SLIT2: variants seen among roughly 807,000 people sequenced by gnomAD.
SLIT2 encodes slit homolog 2 protein.
In SLIT2, 41 loss-of-function variants were observed where a neutral mutation model predicts 185.7. The observed-to-expected ratio is 0.22, with a 90% CI of 0.17 to 0.29. SLIT2 has a LOEUF of 0.29. Among genes scored for constraint, SLIT2 ranks in the 10% least tolerant of loss-of-function variants. The pLI is 1.00. For missense variants in SLIT2, 1,571 were observed against 1,909.0 expected (o/e 0.82, Z 3.30); for synonymous variants, 693 against 680.2 (o/e 1.02, Z -0.29).
At position 20,307,187 on chromosome 4, in the gene SLIT2, CTTCCTTCT is replaced by C. The variant is rs1284411303; in HGVS notation, c.395+38311_395+38318del. 7.8e-4 allele frequency among the ~76,000 whole-genome samples: 99 copies of C among 126,624 alleles called. 2 individuals carry two copies. The highest frequency in any genetic ancestry group is 1.3e-3 in the African/African-American group (42 of 32,982). The allele number at this position is 126,624 out of a possible 152,430, so 83.1% of individuals were successfully genotyped here. A position where few individuals can be genotyped will look rare whatever the true frequency, so the allele number is the denominator to read the frequency against. ...CCTTCCTTCCTTCCTTCCTTCCTTC[CTTCCTTCT>C]TTCCCTGACTCCCTCTCTCCACCCC... On this transcript the variant is annotated intron_variant, in intron 4 of 36. Coordinates refer to ENST00000504154, the MANE Select transcript of SLIT2 (RefSeq NM_004787.4).
At chr4:20,513,200 C>G (rs184014532) in intron 11 of SLIT2, among the ~76,000 whole-genome samples, 17 of 152,160 alleles carry the variant, frequency 1.1e-4, no homozygotes, top group Non-Finnish European at 2.5e-4. Context: ...ATAAAGTAAA[C>G]TGCAGTTAAG....
chr4:20,467,391 C>G, intron 4 of SLIT2, among the ~76,000 whole-genome samples: 1 of 151,978 alleles, frequency 6.6e-6, no homozygotes, highest in East Asian at 1.9e-4. Context: ...GAAATATAAA[C>G]TACTAAAACC....
chr4:20,394,248 A>G (rs531210835), intron 4 of SLIT2, among the ~76,000 whole-genome samples: 1 of 152,160 alleles, frequency 6.6e-6, no homozygotes, highest in Admixed American at 6.6e-5. Context: ...AAGGAAAGGA[A>G]AATAAAGCCT....
chr4:20,490,734 A>C (rs1560470739), intron 8 of SLIT2: 7 of 1,070,104 alleles, frequency 6.5e-6, no homozygotes, highest in Non-Finnish European at 6.9e-6. Context: ...AAAATTAAAT[A>C]ATGAAATGAC....
At chr4:20,486,839 G>T (rs1250592589) in intron 7 of SLIT2, among the ~76,000 whole-genome samples, 2 of 150,400 alleles carry the variant, frequency 1.3e-5, no homozygotes, top group East Asian at 3.9e-4. Context: ...GCCCAGAGTA[G>T]CCTTTAAAAT....
chr4:20,608,803 C>A (rs1728986998), intron 33 of SLIT2, among the ~76,000 whole-genome samples: 2 of 152,136 alleles, frequency 1.3e-5, no homozygotes, highest in South Asian at 4.1e-4. Flanking sequence ...ATTTAAATAT[C>A]AGTGCCTAGA....
intron 34 of SLIT2, among the ~76,000 whole-genome samples, chr4:20,612,668 A>G (rs776817065): frequency 6.6e-6 from 1 of 152,232 alleles, no homozygotes; most frequent in Non-Finnish European, 1.5e-5. Flanking sequence ...CCGTAATCCC[A>G]GCACTTTGGG....
At chr4:20,306,192 T>G (rs1717531557) in intron 4 of SLIT2, among the ~76,000 whole-genome samples, 1 of 152,096 alleles carries the variant, frequency 6.6e-6, no homozygotes, top group Non-Finnish European at 1.5e-5. Flanking sequence ...ATTTTGAGTA[T>G]GGAACACGGG....
At chr4:20,276,774 T>C (rs969858435) in intron 4 of SLIT2, among the ~76,000 whole-genome samples, 1 of 152,118 alleles carries the variant, frequency 6.6e-6, no homozygotes, top group Admixed American at 6.6e-5. Flanking sequence ...ACAGTTCCAA[T>C]TGATTGAAAA....
chr4:20,305,199 A>T (rs1377537642), intron 4 of SLIT2, among the ~76,000 whole-genome samples: 3 of 152,156 alleles, frequency 2.0e-5, no homozygotes, highest in Non-Finnish European at 4.4e-5. Context: ...TTTGGTTATC[A>T]TGTACCCCTG....
chr4:20,503,744 C>A (rs1211831988), intron 9 of SLIT2, among the ~76,000 whole-genome samples: 1 of 152,124 alleles, frequency 6.6e-6, no homozygotes, highest in African/African-American at 2.4e-5. Context: ...CGTTTCTCTC[C>A]TATAAAAACA....
In SLIT2 at chr4:20,523,739, T is replaced by C. The variant is rs559278808; in HGVS notation, c.1131-21T>C. ...TTAATAAGATGCTACACTTTAATTC[T>C]ACAACTATTTAATCAAACAGATTAT... On this transcript the variant is annotated intron_variant, in intron 12 of 36. Transcript: ENST00000504154. 6.8e-6 allele frequency: 11 copies of C among 1,610,732 alleles called. No homozygotes were observed. In the East Asian group the frequency reaches 2.5e-4, roughly 36 times the overall value.
At chr4:20,407,444 C>T (rs916608901) in intron 4 of SLIT2, among the ~76,000 whole-genome samples, 11 of 152,128 alleles carry the variant, frequency 7.2e-5, no homozygotes, top group African/African-American at 2.4e-4. Flanking sequence ...GTTCTAGAAA[C>T]GCCTGCCTTT....
chr4:20,404,068 C>A (rs1042589084), intron 4 of SLIT2, among the ~76,000 whole-genome samples: 1 of 151,838 alleles, frequency 6.6e-6, no homozygotes, highest in Non-Finnish European at 1.5e-5. Context: ...AATTTTGAAG[C>A]CTTTACAATT....
intron 4 of SLIT2, among the ~76,000 whole-genome samples, chr4:20,382,875 A>T (rs1334718411): frequency 3.3e-5 from 5 of 152,122 alleles, no homozygotes; most frequent in Admixed American, 2.6e-4. Context: ...AAATTGGAGG[A>T]TGTACAAAAC....
chr4:20,488,892 C>T lies in SLIT2; in HGVS notation c.685C>T (p.Arg229Trp), dbSNP rs760639048. The part of the protein sequence containing the change: ...WLSDWLRQRP[R>W]VGLYTQCMGP... Reference sequence around the variant, plus strand: ...CTCCGACTGGCTTCGCCAAAGGCCTCGGGTTGGTCTGTACACTCAGTGTAT... The same window carrying T: ...CTCCGACTGGCTTCGCCAAAGGCCTTGGGTTGGTCTGTACACTCAGTGTAT... The change falls in exon 8 of 37, where the codon CGG (arginine) becomes TGG (tryptophan). Residue 229 changes from arginine (R) to tryptophan (W), a missense_variant. Arg to Trp is a moderately radical substitution (Grantham distance 101). This residue lies in a region of SLIT2 where 1,202 missense variants were observed against 1,416.4 expected (regional missense o/e 0.85). Coordinates refer to ENST00000504154, the MANE Select transcript of SLIT2 (RefSeq NM_004787.4). The T allele has an allele frequency of 5.6e-6, 9 of 1,612,872 alleles. No individual in the cohort carries two copies. Among genetic ancestry groups the T allele is most frequent in the South Asian group, 4.4e-5 (4 of 90,952 alleles).
chr4:20,497,721 G>T (rs1027694577), intron 9 of SLIT2, among the ~76,000 whole-genome samples: 4 of 152,128 alleles, frequency 2.6e-5, no homozygotes, highest in African/African-American at 9.7e-5. Context: ...TTAAACTGCA[G>T]ACTGGGTAAA....
intron 4 of SLIT2, among the ~76,000 whole-genome samples, chr4:20,408,800 T>G (rs1444624454): frequency 6.6e-6 from 1 of 151,962 alleles, no homozygotes; most frequent in Non-Finnish European, 1.5e-5. Context: ...CAGAACAGAG[T>G]TTGCATCGCT....
rs1264064724 is a variant in SLIT2 at position 20,484,918 on chromosome 4, C to A, written c.540-1282C>A. On this transcript the variant is annotated intron_variant, in intron 6 of 36. Coordinates refer to ENST00000504154, the MANE Select transcript of SLIT2 (RefSeq NM_004787.4). The surrounding 1 kb of genome is among the most constrained non-coding windows in gnomAD (Gnocchi z 4.3). ...GTCTGCTTTCTTCCATCTCTCTTGC[C>A]CATCATTGTATATTTTTGCACGTGG... Among the ~76,000 whole-genome samples, 1 of 152,072 alleles carries A rather than the reference C, an allele frequency of 6.6e-6. No homozygotes were observed. The highest frequency in any genetic ancestry group is 1.5e-5 in the Non-Finnish European group (1 of 68,000).
Sources: allele counts gnomAD v4.1 joint callset (sites outside exome capture counted in the v4.1 genomes callset), GRCh38; gene constraint gnomAD v4.1.1; regional missense constraint gnomAD v4.1.1; non-coding constraint Gnocchi (gnomAD v3.1); transcripts MANE v1.5; gene names NCBI Gene and HGNC (gene_info 2026-07-23, HGNC 2026-07-21).